The following UNC5D variants were observed in gnomAD, a reference collection of about 807,000 sequenced individuals.
UNC5D encodes netrin receptor UNC5D.
Under a neutral mutation model 105.4 loss-of-function variants are expected in UNC5D, and 39 were observed. The observed-to-expected ratio is 0.37, with a 90% confidence interval of 0.29 to 0.48. The LOEUF (loss-of-function observed/expected upper bound fraction) is 0.48, where lower values mean the gene tolerates loss of function less well. Ranked by LOEUF, UNC5D falls within the 20% of genes least tolerant of loss-of-function variation. The pLI is 0.98. For synonymous variants in UNC5D, 452 were observed against 450.4 expected (o/e 1.00, Z -0.04); for missense variants, 991 against 1,202.4 (o/e 0.82, Z 2.60).
At chr8:35,566,699 A>C (rs1329082484) in intron 2 of UNC5D, among the ~76,000 whole-genome samples, 1 of 152,220 alleles carries the variant, frequency 6.6e-6, no homozygotes, top group East Asian at 1.9e-4. Flanking sequence ...ACACAATAGC[A>C]TGCACTGCCA....
At chr8:35,788,827 T>C (rs6998605) in intron 16 of UNC5D, among the ~76,000 whole-genome samples, 1,668 of 151,950 alleles carry the variant, frequency 0.011, 21 homozygotes, top group African/African-American at 0.037. Context: ...AATTGAACCA[T>C]TGGACACAGC....
chr8:35,527,462 C>T (rs1487384824), intron 1 of UNC5D, among the ~76,000 whole-genome samples: 1 of 152,250 alleles, frequency 6.6e-6, no homozygotes, highest in African/African-American at 2.4e-5. Flanking sequence ...TGAGAGCCAG[C>T]TTCCTTGTTA....
At chr8:35,424,381 T>G (rs1806110000) in intron 1 of UNC5D, among the ~76,000 whole-genome samples, 1 of 152,236 alleles carries the variant, frequency 6.6e-6, no homozygotes, top group South Asian at 2.1e-4. Flanking sequence ...GTAGTAGTCT[T>G]GGAAACCCAG....
At chr8:35,765,136 G>A (rs1241814574) in intron 14 of UNC5D, among the ~76,000 whole-genome samples, 1 of 152,198 alleles carries the variant, frequency 6.6e-6, no homozygotes, top group Non-Finnish European at 1.5e-5. Flanking sequence ...AAGCCTTTGG[G>A]TCTGCCTGCT....
rs546765631 is a variant in UNC5D, at chr8:35,242,401, G to A, written c.103+6514G>A. On this transcript the variant is annotated intron_variant, in intron 1 of 16. Transcript: ENST00000404895. ...AAGAAACTGTCTGAACTACTTCAAG[G>A]GACTCACCACCACTGGGATGACTAT... 3.3e-3 allele frequency among the ~76,000 whole-genome samples: 508 copies of A among 152,184 alleles called. 4 individuals carry two copies. The highest frequency in any genetic ancestry group is 0.012 in the African/African-American group (494 of 41,536).
chr8:35,509,655 C>T lies in UNC5D; in HGVS notation c.104-39637C>T, dbSNP rs530473331. ...AGAAACAGTGGGGTCTTCTTATTCT[C>T]TTCTTACCACAACACAGAATACTTC... On this transcript the variant is annotated intron_variant, in intron 1 of 16. Coordinates refer to ENST00000404895, the MANE Select transcript of UNC5D (RefSeq NM_080872.4). Among the ~76,000 whole-genome samples, 4 of 151,272 alleles carry T rather than the reference C, an allele frequency of 2.6e-5. No individual in the cohort carries two copies. The East Asian group carries it at 8.1e-4, about 30-fold the overall frequency.
intron 8 of UNC5D, chr8:35,721,491 C>T: frequency 1.4e-6 from 1 of 702,910 alleles, no homozygotes; most frequent in East Asian, 2.7e-5. Context: ...ACAGCATGTG[C>T]CGTCCTAGCA....
intron 1 of UNC5D, among the ~76,000 whole-genome samples, chr8:35,262,931 A>G (rs1238592656): frequency 2.0e-5 from 3 of 152,292 alleles, no homozygotes; most frequent in African/African-American, 7.2e-5. Flanking sequence ...TTGTTATTTT[A>G]TCACTCCCCA....
intron 4 of UNC5D, among the ~76,000 whole-genome samples, chr8:35,634,757 CT>C (rs1193381864): frequency 9.9e-4 from 142 of 143,838 alleles, no homozygotes; most frequent in East Asian, 5.5e-3. Flanking sequence ...TTTTTCTTTT[CT>C]TTTTTTTTTT....
intron 1 of UNC5D, among the ~76,000 whole-genome samples, chr8:35,494,786 G>A (rs1455712532): frequency 6.6e-6 from 1 of 152,132 alleles, no homozygotes; most frequent in African/African-American, 2.4e-5. Flanking sequence ...TGTGATTTTA[G>A]TTCTTTATCT....
At chr8:35,465,218 C>T (rs1399233601) in intron 1 of UNC5D, among the ~76,000 whole-genome samples, 1 of 152,190 alleles carries the variant, frequency 6.6e-6, no homozygotes, top group South Asian at 2.1e-4. Context: ...TGGCAAAACA[C>T]TGTCTATGCA....
chr8:35,482,964 G>A (rs371746012), intron 1 of UNC5D, among the ~76,000 whole-genome samples: 253 of 151,738 alleles, frequency 1.7e-3, no homozygotes, highest in African/African-American at 5.6e-3. Context: ...CACCACGCCC[G>A]GCTAATTTTT....
chr8:35,464,397 G>T (rs1212257886), intron 1 of UNC5D, among the ~76,000 whole-genome samples: 1 of 152,070 alleles, frequency 6.6e-6, no homozygotes, highest in Non-Finnish European at 1.5e-5. Flanking sequence ...TTTCAAACCT[G>T]TGTACTTATT....
At chr8:35,654,897 A>G (rs1823639174) in intron 4 of UNC5D, among the ~76,000 whole-genome samples, 1 of 152,172 alleles carries the variant, frequency 6.6e-6, no homozygotes, top group African/African-American at 2.4e-5. Context: ...GATCGAAAGC[A>G]AGGGGACTGA....
chr8:35,474,860 G>C (rs73571861), intron 1 of UNC5D, among the ~76,000 whole-genome samples: 2,371 of 152,326 alleles, frequency 0.016, 60 homozygotes, highest in African/African-American at 0.053. Flanking sequence ...CCACTTCACA[G>C]TGGTGGAAAG....
At chr8:35,495,723 C>A (rs1047858080) in intron 1 of UNC5D, among the ~76,000 whole-genome samples, 2 of 152,024 alleles carry the variant, frequency 1.3e-5, no homozygotes, top group Non-Finnish European at 2.9e-5. Flanking sequence ...CAGTAGAAAT[C>A]TAATTTCACA....
intron 3 of UNC5D, among the ~76,000 whole-genome samples, chr8:35,593,812 A>C (rs1174286762): frequency 6.6e-6 from 1 of 152,182 alleles, no homozygotes; most frequent in Non-Finnish European, 1.5e-5. Context: ...GCAAACTGAC[A>C]TCTTATATGT....
In UNC5D at chr8:35,483,168, G is replaced by A. The variant is rs1810603563; in HGVS notation, c.104-66124G>A. Reference sequence around the variant, plus strand: ...GAATTAGAGAGACTCTGGGCATTGGGAGTTTTGAATCTTGGTGGACAGGCC... The same window carrying A: ...GAATTAGAGAGACTCTGGGCATTGGAAGTTTTGAATCTTGGTGGACAGGCC... On this transcript the variant is annotated intron_variant, in intron 1 of 16. Transcript: ENST00000404895. Among the ~76,000 whole-genome samples the A allele has an allele frequency of 1.3e-5, 2 of 151,970 alleles. 1 individual carries two copies. Among genetic ancestry groups the A allele is most frequent in the South Asian group, 4.2e-4 (2 of 4,810 alleles).
At chr8:35,440,410 G>C (rs1465391601) in intron 1 of UNC5D, among the ~76,000 whole-genome samples, 1 of 151,908 alleles carries the variant, frequency 6.6e-6, no homozygotes, top group Non-Finnish European at 1.5e-5. Flanking sequence ...TGTTTTATGA[G>C]AAAAATTATT....
Sources: gnomAD v4.1 joint callset for allele counts (sites outside exome capture counted in the v4.1 genomes callset) on GRCh38, gnomAD v4.1.1 for gene constraint, MANE v1.5 for transcripts, NCBI Gene and HGNC (gene_info 2026-07-23, HGNC 2026-07-21) for gene names.